Variants in PPP1R14C observed in about 807,000 individuals in gnomAD.
PPP1R14C encodes the protein protein phosphatase 1 regulatory inhibitor subunit 14C, also known as protein phosphatase 1 regulatory subunit 14C.
A neutral mutation model predicts 20.4 loss-of-function variants in PPP1R14C; 16 were observed. That is an observed-to-expected ratio of 0.78 (90% CI 0.53 to 1.19). PPP1R14C has a LOEUF of 1.19. Ranked by LOEUF, PPP1R14C falls within the 50% of genes most tolerant of loss-of-function variation. The pLI is 0.00. For synonymous variants in PPP1R14C, 91 were observed against 91.0 expected (o/e 1.00, Z 0.00); for missense variants, 211 against 220.1 (o/e 0.96, Z 0.26).
At position 150,186,058 on chromosome 6, in the gene PPP1R14C, G is replaced by A. The variant is rs531051874; in HGVS notation, c.307-28686G>A. Among the ~76,000 whole-genome samples, 14 of 152,252 alleles carry A rather than the reference G, an allele frequency of 9.2e-5. No individual in the cohort carries two copies. In the East Asian group the frequency reaches 9.7e-4, roughly 11 times the overall value. On this transcript the variant is annotated intron_variant, in intron 1 of 3. Transcript: ENST00000361131. ...CTGGAAGGAGGCCACCAGAATATTC[G>A]TGCCTGGTCTTTGATGCTCCCGTGA...
rs1335403646 is a variant in PPP1R14C at position 150,249,189 on chromosome 6, T to C, written c.*369T>C. 7.5e-6 allele frequency: 3 copies of C among 399,052 alleles called. No homozygotes were observed. The highest frequency in any genetic ancestry group is 1.3e-5 in the Non-Finnish European group (3 of 226,762). The allele number at this position is 399,052 out of a possible 1,614,324, so 24.7% of individuals were successfully genotyped here. ...GAAGATAGTTTTCTTACAAGTAGTT[T>C]GGTAATATTTTTTTTCTTAAGTTGT... On this transcript the variant is annotated 3_prime_UTR_variant, in exon 4 of 4. Coordinates refer to ENST00000361131, the MANE Select transcript of PPP1R14C (RefSeq NM_030949.3).
chr6:150,216,907 ATCAATTTG>A (rs1234858989), intron 3 of PPP1R14C, 51 bp downstream of exon 3: 2 of 1,456,030 alleles, frequency 1.4e-6, no homozygotes, highest in Admixed American at 3.8e-5. Flanking sequence ...TTTTTATTAA[ATCAATTTG>A]TCTATTTTTA....
At chr6:150,195,032 TA>T in intron 1 of PPP1R14C, 1 of 985,076 alleles carries the variant, frequency 1.0e-6, no homozygotes, top group Non-Finnish European at 1.2e-6. Context: ...GAGCAGTTAC[TA>T]GTTATAGCCT....
intron 1 of PPP1R14C, among the ~76,000 whole-genome samples, chr6:150,166,054 A>G (rs748331471): frequency 6.6e-6 from 1 of 150,710 alleles, no homozygotes. Context: ...CATGTGTCAC[A>G]TGCCACATAC....
chr6:150,171,141 C>T (rs974203856), intron 1 of PPP1R14C, among the ~76,000 whole-genome samples: 13 of 152,116 alleles, frequency 8.5e-5, no homozygotes, highest in African/African-American at 3.1e-4. Context: ...AGGGTCCACT[C>T]AAGGTGCTGT....
At chr6:150,218,541 C>T in intron 3 of PPP1R14C, among the ~76,000 whole-genome samples, 1 of 140,194 alleles carries the variant, frequency 7.1e-6, no homozygotes, top group East Asian at 2.3e-4. Context: ...CTCCACCTTT[C>T]AGGCCCTTTT....
intron 3 of PPP1R14C, among the ~76,000 whole-genome samples, chr6:150,240,241 C>T (rs1041635849): frequency 3.9e-5 from 6 of 152,188 alleles, no homozygotes; most frequent in Admixed American, 2.6e-4. Context: ...AGATATTATG[C>T]ACAAGCTTGT....
chr6:150,146,304 A>G (rs1157831095), intron 1 of PPP1R14C, among the ~76,000 whole-genome samples: 1 of 152,224 alleles, frequency 6.6e-6, no homozygotes, highest in Non-Finnish European at 1.5e-5. Flanking sequence ...ATCTGAGTCC[A>G]CTGTATACCC....
chr6:150,151,430 GGA>G (rs1306963373), intron 1 of PPP1R14C, among the ~76,000 whole-genome samples: 1 of 152,130 alleles, frequency 6.6e-6, no homozygotes, highest in Non-Finnish European at 1.5e-5. Context: ...CTACAGCTCT[GGA>G]ATATGAGTCC....
intron 3 of PPP1R14C, among the ~76,000 whole-genome samples, chr6:150,219,479 G>A (rs71570212): frequency 0.035 from 5,296 of 152,254 alleles, 132 homozygotes; most frequent in Middle Eastern, 0.058. Context: ...GCCTCCCAAA[G>A]TGCTGGGATT....
In PPP1R14C at chr6:150,167,020, T is replaced by C. The variant is rs140279492; in HGVS notation, c.306+23522T>C. On this transcript the variant is annotated intron_variant, in intron 1 of 3. Transcript: ENST00000361131. The stretch of plus-strand genomic sequence containing the variant: ...CCAAGGCGGGTGAATCCCTTGAGGT[T>C]AGAAGTTCAAAAACAGCCTGGCCAA... Among the ~76,000 whole-genome samples the C allele has an allele frequency of 5.2e-3, 768 of 148,720 alleles. 5 individuals carry two copies. The highest frequency in any genetic ancestry group is 0.018 in the African/African-American group (735 of 40,100).
chr6:150,179,539 C>T (rs1392421375), intron 1 of PPP1R14C, among the ~76,000 whole-genome samples: 1 of 151,962 alleles, frequency 6.6e-6, no homozygotes, highest in African/African-American at 2.4e-5. Flanking sequence ...CCACGTTGGC[C>T]TATGTTTTTA....
intron 1 of PPP1R14C, among the ~76,000 whole-genome samples, chr6:150,189,927 C>A (rs1777722893): frequency 6.6e-6 from 1 of 152,112 alleles, no homozygotes; most frequent in East Asian, 1.9e-4. Context: ...CCCCAACCCC[C>A]CAACACAGAA....
At chr6:150,195,441 G>C (rs1441587616) in intron 1 of PPP1R14C, among the ~76,000 whole-genome samples, 1 of 152,104 alleles carries the variant, frequency 6.6e-6, no homozygotes, top group African/African-American at 2.4e-5. Context: ...TCTGCCTCCT[G>C]GGCTCAAGCT....
chr6:150,182,417 A>G (rs1777632304), intron 1 of PPP1R14C, among the ~76,000 whole-genome samples: 1 of 152,188 alleles, frequency 6.6e-6, no homozygotes, highest in South Asian at 2.1e-4. Flanking sequence ...GTGAGGGCCT[A>G]CTTTCTGGTT....
At chr6:150,237,021 CAT>C (rs1394469639) in intron 3 of PPP1R14C, among the ~76,000 whole-genome samples, 1 of 152,074 alleles carries the variant, frequency 6.6e-6, no homozygotes, top group Non-Finnish European at 1.5e-5. Flanking sequence ...AGAAGAAACA[CAT>C]GTGTGCTGCG....
chr6:150,207,421 G>A lies in PPP1R14C; in HGVS notation c.307-7323G>A, dbSNP rs374282498. On this transcript the variant is annotated intron_variant, in intron 1 of 3. Transcript: ENST00000361131. ...CCCGGTGGGGCTGGGCCCTCGATTC[G>A]CATCAGGCAAGCTCATCTCCATGCC... is the stretch of plus-strand genomic sequence containing the variant. 3.3e-5 allele frequency among the ~76,000 whole-genome samples: 5 copies of A among 152,286 alleles called. No individual in the cohort carries two copies. In the East Asian group the frequency reaches 9.7e-4, roughly 29 times the overall value.
In PPP1R14C at chr6:150,249,038, C is replaced by T. The variant is rs1003445305; in HGVS notation, c.*218C>T. On this transcript the variant is annotated 3_prime_UTR_variant, in exon 4 of 4. Transcript: ENST00000361131. The stretch of plus-strand genomic sequence containing the variant: ...TTTTGTTAATGTAATATTTTAATAG[C>T]AAAGATATCATGACTCTAGCCACAG... The T allele has an allele frequency of 4.2e-6, 2 of 471,732 alleles. No individual in the cohort carries two copies. The highest frequency in any genetic ancestry group is 4.0e-5 in the African/African-American group (2 of 50,202). The allele number at this position is 471,732 out of a possible 1,614,324, so 29.2% of individuals were successfully genotyped here.
rs529720993 is a variant in PPP1R14C at position 150,231,077 on chromosome 6, C to T, written c.423+14221C>T. ...GGCCCCAAGACGGACTAGTGCAGGG[C>T]GCAGAGCTCAGAGTAGAGGGTGGCC... On this transcript the variant is annotated intron_variant, in intron 3 of 3. Coordinates refer to ENST00000361131, the MANE Select transcript of PPP1R14C (RefSeq NM_030949.3). 1.4e-4 allele frequency among the ~76,000 whole-genome samples: 22 copies of T among 152,282 alleles called. 1 individual carries two copies. The South Asian group carries it at 1.7e-3, about 11-fold the overall frequency.
Sources: allele counts gnomAD v4.1 joint callset (sites outside exome capture counted in the v4.1 genomes callset), GRCh38; gene constraint gnomAD v4.1.1; transcripts MANE v1.5; gene names NCBI Gene and HGNC (gene_info 2026-07-23, HGNC 2026-07-21).